The following PPARGC1A variants were observed in gnomAD, a reference collection of about 807,000 sequenced individuals.
PPARGC1A encodes the protein PPARG coactivator 1 alpha.
A neutral mutation model predicts 88.7 loss-of-function variants in PPARGC1A; 25 were observed. The observed-to-expected ratio is 0.28, with a 90% CI of 0.21 to 0.39. The LOEUF (loss-of-function observed/expected upper bound fraction) is 0.39, where lower values mean the gene tolerates loss of function less well. Ranked by LOEUF, PPARGC1A falls within the 10% of genes least tolerant of loss-of-function variation. The probability of loss-of-function intolerance (pLI) is 1.00; values close to 1 mark genes in which losing one functional copy is unlikely to be tolerated. For synonymous variants in PPARGC1A, 363 were observed against 355.6 expected (o/e 1.02, Z -0.24); for missense variants, 880 against 968.7 (o/e 0.91, Z 1.22).
At chr4:24,221,158 G>A in the PPARGC1A span, among the ~76,000 whole-genome samples, 5 of 152,252 alleles carry the variant, frequency 3.3e-5, no homozygotes, top group Middle Eastern at 3.4e-3. Context: ...ACAGATTTGG[G>A]GAAAGAGAAA....
the PPARGC1A span, among the ~76,000 whole-genome samples, chr4:24,375,018 A>AAAAC: frequency 6.6e-6 from 1 of 151,538 alleles, no homozygotes; most frequent in Non-Finnish European, 1.5e-5. Flanking sequence ...CACCCTAAAA[A>AAAAC]AAAAAAAAAA....
chr4:24,305,632 G>C, the PPARGC1A span, among the ~76,000 whole-genome samples: 202 of 152,242 alleles, frequency 1.3e-3, 5 homozygotes, highest in East Asian at 0.033. Flanking sequence ...GACCAACATG[G>C]AGACACCCTA....
At chr4:24,322,448 CCTAG>C in the PPARGC1A span, among the ~76,000 whole-genome samples, 1 of 152,176 alleles carries the variant, frequency 6.6e-6, no homozygotes, top group East Asian at 1.9e-4. Context: ...ACACTTTATT[CCTAG>C]CTGAGTTGTT....
intron 5 of PPARGC1A, among the ~76,000 whole-genome samples, chr4:23,827,770 C>T (rs1157526942): frequency 5.3e-5 from 8 of 151,408 alleles, no homozygotes; most frequent in Non-Finnish European, 1.0e-4. Flanking sequence ...TCTTTATTTA[C>T]AGAATAAAAT....
At chr4:23,981,827 T>A in the PPARGC1A span, among the ~76,000 whole-genome samples, 4 of 151,962 alleles carry the variant, frequency 2.6e-5, no homozygotes, top group Non-Finnish European at 5.9e-5. Flanking sequence ...TCCCTCACGC[T>A]TTTTTTTGAG....
At position 23,797,609 on chromosome 4, in the gene PPARGC1A, A is replaced by T. The variant is rs193167246; in HGVS notation, c.2294-1684T>A. 2.2e-4 allele frequency among the ~76,000 whole-genome samples: 33 copies of T among 152,314 alleles called. 1 individual carries two copies. Among genetic ancestry groups the T allele is most frequent in the Non-Finnish European group, 3.1e-4 (21 of 68,022 alleles). ...TTCTGTATTTTATTAGCAAATATTT[A>T]AAAAAATTGTGAAATAGTAGTTCTC... On this transcript the variant is annotated intron_variant, in intron 12 of 12. Coordinates refer to ENST00000264867, the MANE Select transcript of PPARGC1A (RefSeq NM_013261.5).
At chr4:24,341,834 C>T in the PPARGC1A span, among the ~76,000 whole-genome samples, 1 of 152,158 alleles carries the variant, frequency 6.6e-6, no homozygotes, top group Non-Finnish European at 1.5e-5. Flanking sequence ...GAAAGTGTCT[C>T]GCTCACAGAA....
the PPARGC1A span, among the ~76,000 whole-genome samples, chr4:23,981,853 G>A: frequency 3.9e-5 from 6 of 152,118 alleles, no homozygotes; most frequent in Non-Finnish European, 8.8e-5. Context: ...AAGGAATAGG[G>A]AAGCTAAGGA....
At chr4:24,125,016 C>T in the PPARGC1A span, among the ~76,000 whole-genome samples, 1 of 152,072 alleles carries the variant, frequency 6.6e-6, no homozygotes, top group Non-Finnish European at 1.5e-5. Context: ...AAGAATTAAT[C>T]CAGGAAACTC....
intron 12 of PPARGC1A, among the ~76,000 whole-genome samples, chr4:23,801,303 G>A (rs1250849729): frequency 2.0e-5 from 3 of 150,652 alleles, no homozygotes; most frequent in African/African-American, 4.9e-5. Context: ...CATAACACAC[G>A]CACACACAAA....
the PPARGC1A span, among the ~76,000 whole-genome samples, chr4:24,058,499 G>A: frequency 6.6e-6 from 1 of 152,138 alleles, no homozygotes; most frequent in South Asian, 2.1e-4. Context: ...CCGAATTAGA[G>A]ACCCTCTTCC....
the PPARGC1A span, among the ~76,000 whole-genome samples, chr4:24,374,286 G>A: frequency 4.3e-3 from 651 of 152,174 alleles, 8 homozygotes; most frequent in African/African-American, 0.014. Context: ...GAAAGTTAAC[G>A]AACAGTCCTA....
the PPARGC1A span, among the ~76,000 whole-genome samples, chr4:24,062,434 A>C: frequency 1.2e-4 from 19 of 152,200 alleles, no homozygotes; most frequent in Non-Finnish European, 2.5e-4. Flanking sequence ...GTCCAGGAAG[A>C]GTATAATCTG....
At chr4:24,306,164 C>T in the PPARGC1A span, among the ~76,000 whole-genome samples, 207 of 152,148 alleles carry the variant, frequency 1.4e-3, 1 homozygote, top group African/African-American at 4.7e-3. Context: ...CCCAAGAAGA[C>T]GAGAGACTTA....
At chr4:23,883,073 C>A (rs1403699575) in intron 2 of PPARGC1A, 2 of 152,130 alleles carry the variant, frequency 1.3e-5, no homozygotes, top group Non-Finnish European at 2.9e-5. Context: ...TTAGAATGGG[C>A]CTGTAACTTG....
At chr4:24,466,303 G>A in the PPARGC1A span, among the ~76,000 whole-genome samples, 5 of 152,224 alleles carry the variant, frequency 3.3e-5, no homozygotes. Context: ...ATTTCACAAA[G>A]CTGGCAAATA....
the PPARGC1A span, among the ~76,000 whole-genome samples, chr4:24,101,150 G>A: frequency 6.6e-6 from 1 of 152,148 alleles, no homozygotes; most frequent in African/African-American, 2.4e-5. Flanking sequence ...ACACGGAAGT[G>A]GTTTCTAATG....
At chr4:24,049,322 A>ATATATATGTG in the PPARGC1A span, among the ~76,000 whole-genome samples, 4 of 141,984 alleles carry the variant, frequency 2.8e-5, no homozygotes, top group Non-Finnish European at 6.1e-5. Context: ...ATATATATAT[A>ATATATATGTG]TGTGTGTGTG....
At chr4:24,188,737 TG>T in the PPARGC1A span, among the ~76,000 whole-genome samples, 1 of 152,058 alleles carries the variant, frequency 6.6e-6, no homozygotes, top group Non-Finnish European at 1.5e-5. Flanking sequence ...AACAATATAG[TG>T]GTTGCTCAAA....
Sources: gnomAD v4.1 joint callset for allele counts (sites outside exome capture counted in the v4.1 genomes callset) on GRCh38, gnomAD v4.1.1 for gene constraint, MANE v1.5 for transcripts, NCBI Gene and HGNC (gene_info 2026-07-23, HGNC 2026-07-21) for gene names.